Variants in HMGCLL1 observed in about 807,000 individuals in gnomAD.
The protein encoded by HMGCLL1 is 3-hydroxymethyl-3-methylglutaryl-CoA lyase, cytoplasmic.
A neutral mutation model predicts 39.1 loss-of-function variants in HMGCLL1; 36 were observed. The observed-to-expected ratio is 0.92, with a 90% confidence interval of 0.71 to 1.22. The LOEUF (loss-of-function observed/expected upper bound fraction) is 1.22. Ranked by LOEUF, HMGCLL1 falls within the 50% of genes most tolerant of loss-of-function variation. The probability of loss-of-function intolerance (pLI) is 0.00; values close to 1 mark genes in which losing one functional copy is unlikely to be tolerated. For synonymous variants in HMGCLL1, 149 were observed against 144.0 expected, an observed-to-expected ratio of 1.03 and a Z score of -0.25; for missense variants, 451 against 416.5, an observed-to-expected ratio of 1.08 and a Z score of -0.72.
the HMGCLL1 span, among the ~76,000 whole-genome samples, chr6:55,617,932 G>A: frequency 6.6e-6 from 1 of 151,924 alleles, no homozygotes; most frequent in African/African-American, 2.4e-5. Flanking sequence ...TCATACAATG[G>A]AACATTACAC....
At chr6:55,587,700 C>T in the HMGCLL1 span, among the ~76,000 whole-genome samples, 131 of 151,792 alleles carry the variant, frequency 8.6e-4, no homozygotes, top group African/African-American at 2.8e-3. Flanking sequence ...AATAAAGGGA[C>T]GGAGGAAGAT....
chr6:55,536,666 TCCC>T (rs748704019), intron 3 of HMGCLL1, among the ~76,000 whole-genome samples: 98,341 of 151,734 alleles, frequency 0.65, 32,162 homozygotes, highest in Admixed American at 0.71. Context: ...GGAAAGCTTT[TCCC>T]AGATAAGTTG....
At chr6:55,469,811 C>T (rs1282433798) in intron 7 of HMGCLL1, among the ~76,000 whole-genome samples, 1 of 151,732 alleles carries the variant, frequency 6.6e-6, no homozygotes, top group African/African-American at 2.4e-5. Context: ...AAATTTTATT[C>T]CATATTCAAA....
chr6:55,521,038 T>C (rs1488811338), intron 3 of HMGCLL1, among the ~76,000 whole-genome samples: 1 of 152,128 alleles, frequency 6.6e-6, no homozygotes, highest in Non-Finnish European at 1.5e-5. Flanking sequence ...AGAGATTTTA[T>C]TTGCTACTAA....
chr6:55,554,703 AG>A (rs1236501353), intron 1 of HMGCLL1, among the ~76,000 whole-genome samples: 1 of 152,140 alleles, frequency 6.6e-6, no homozygotes, highest in Non-Finnish European at 1.5e-5. Flanking sequence ...GCCAATACAC[AG>A]GACCCCTTTA....
rs376524274 is a variant in HMGCLL1, at chr6:55,524,463, T to TAA, written c.298-7862_298-7861dup. ...TGTTGTATTTGGCATTTATAGTCTT[T>TAA]AAAAAAAAAAAAAAAACGGGATCCT... On this transcript the variant is annotated intron_variant, in intron 3 of 8. Coordinates refer to ENST00000274901, the MANE Select transcript of HMGCLL1 (RefSeq NM_001042406.2). Among the ~76,000 whole-genome samples, 85 of 134,520 alleles carry TAA rather than the reference T, an allele frequency of 6.3e-4. 4 individuals carry two copies. Among genetic ancestry groups the TAA allele is most frequent in the African/African-American group, 1.8e-3 (66 of 36,342 alleles). 88.3% of individuals were successfully genotyped at this position (134,520 alleles called of 152,430 possible).
chr6:55,493,599 C>G (rs1766425546), intron 7 of HMGCLL1, among the ~76,000 whole-genome samples: 1 of 152,144 alleles, frequency 6.6e-6, no homozygotes, highest in African/African-American at 2.4e-5. Context: ...TAATCCTCTC[C>G]TTCTCCAAGG....
chr6:55,663,132 C>G, the HMGCLL1 span, among the ~76,000 whole-genome samples: 1 of 151,258 alleles, frequency 6.6e-6, no homozygotes, highest in African/African-American at 2.4e-5. Context: ...AAAACATACT[C>G]CTGAACTCAT....
At chr6:55,538,041 AT>A (rs1466449696) in intron 3 of HMGCLL1, among the ~76,000 whole-genome samples, 1 of 152,002 alleles carries the variant, frequency 6.6e-6, no homozygotes, top group African/African-American at 2.4e-5. Flanking sequence ...TTAACTAGCT[AT>A]GCAAGAAGTG....
At chr6:55,535,845 T>C (rs1768987245) in intron 3 of HMGCLL1, among the ~76,000 whole-genome samples, 1 of 152,172 alleles carries the variant, frequency 6.6e-6, no homozygotes, top group African/African-American at 2.4e-5. Context: ...GCTCTCTGCC[T>C]CCTTTCTTTC....
intron 7 of HMGCLL1, among the ~76,000 whole-genome samples, chr6:55,460,300 T>C (rs115334245): frequency 0.081 from 12,239 of 152,004 alleles, 555 homozygotes; most frequent in African/African-American, 0.12. Context: ...TATTTTAATA[T>C]ATATAAAACC....
intron 1 of HMGCLL1, among the ~76,000 whole-genome samples, chr6:55,556,605 G>C (rs2127468137): frequency 6.6e-6 from 1 of 152,254 alleles, no homozygotes; most frequent in Admixed American, 6.5e-5. Context: ...CTAGAGAGTG[G>C]GCTCGGGAGC....
intron 3 of HMGCLL1, among the ~76,000 whole-genome samples, chr6:55,520,546 A>T (rs1038916090): frequency 2.6e-5 from 4 of 152,096 alleles, no homozygotes; most frequent in Middle Eastern, 3.4e-3. Flanking sequence ...TTTTATTCCA[A>T]TGAATAAAAA....
intron 7 of HMGCLL1, among the ~76,000 whole-genome samples, chr6:55,485,686 CAT>C (rs1458991150): frequency 6.6e-6 from 1 of 151,768 alleles, no homozygotes; most frequent in Non-Finnish European, 1.5e-5. Context: ...AATCATTAAA[CAT>C]ATGAAAGAAC....
At chr6:55,670,671 C>T in the HMGCLL1 span, among the ~76,000 whole-genome samples, 1 of 151,550 alleles carries the variant, frequency 6.6e-6, no homozygotes, top group Non-Finnish European at 1.5e-5. Context: ...GATTTATAAT[C>T]CTTGGGCAAC....
chr6:55,509,949 C>T (rs917624784), intron 5 of HMGCLL1, among the ~76,000 whole-genome samples: 3 of 151,866 alleles, frequency 2.0e-5, no homozygotes, highest in Non-Finnish European at 4.4e-5. Context: ...ATACTAAGCA[C>T]ATTTTATTTA....
intron 7 of HMGCLL1, among the ~76,000 whole-genome samples, chr6:55,493,637 C>T (rs1487492305): frequency 6.6e-6 from 1 of 152,114 alleles, no homozygotes; most frequent in Non-Finnish European, 1.5e-5. Context: ...GTTTCATCAG[C>T]TTAAAACATT....
At chr6:55,484,002 T>C (rs1581840879) in intron 7 of HMGCLL1, among the ~76,000 whole-genome samples, 1 of 152,092 alleles carries the variant, frequency 6.6e-6, no homozygotes, top group Non-Finnish European at 1.5e-5. Context: ...ATAAAAAATG[T>C]GTTTATATAG....
At chr6:55,626,557 C>T in the HMGCLL1 span, among the ~76,000 whole-genome samples, 2 of 152,010 alleles carry the variant, frequency 1.3e-5, no homozygotes, top group Non-Finnish European at 2.9e-5. Context: ...ATATATGGTT[C>T]TGTTTATCCC....
Sources: allele counts gnomAD v4.1 joint callset (sites outside exome capture counted in the v4.1 genomes callset), GRCh38; gene constraint gnomAD v4.1.1; transcripts MANE v1.5; gene names NCBI Gene and HGNC (gene_info 2026-07-23, HGNC 2026-07-21).